The following PCDHGB3 variants were observed in gnomAD, a reference collection of about 807,000 sequenced individuals.
The protein encoded by PCDHGB3 is protocadherin gamma subfamily B, 3.
Under a neutral mutation model 59.2 loss-of-function variants are expected in PCDHGB3, and 40 were observed. The ratio of observed to expected loss-of-function variants is 0.68; its 90% CI spans 0.52 to 0.88. PCDHGB3 has a LOEUF of 0.88. Ranked by LOEUF, PCDHGB3 falls within the 40% of genes least tolerant of loss-of-function variation. The pLI is 0.00. For synonymous variants in PCDHGB3, 581 were observed against 503.6 expected (o/e 1.15, Z -2.06); for missense variants, 1,309 against 1,187.9 (o/e 1.10, Z -1.50).
At position 141,370,949 on chromosome 5, in the gene PCDHGB3, C is replaced by A. The variant is rs1317760178; in HGVS notation, c.555C>A (p.Asn185Lys). The A allele has an allele frequency of 1.2e-6, 2 of 1,613,980 alleles. No individual in the cohort carries two copies. Among genetic ancestry groups the A allele is most frequent in the East Asian group, 2.2e-5 (1 of 44,880 alleles). ...ACTTCTCTTTGATTCAGAAGGAGAA[C>A]CTGGATGGCAGTAGGTACCCAGAGC... ...DPHFSLIQKE[N>K]LDGSRYPELV... The change falls in exon 1 of 4, where the codon AAC (asparagine) becomes AAA (lysine). Residue 185 changes from asparagine (N) to lysine (K), a missense_variant. By Grantham distance (94) the Asn-to-Lys change is moderately conservative. Coordinates refer to ENST00000576222, the MANE Select transcript of PCDHGB3 (RefSeq NM_018924.5).
chr5:141,374,406 T>C (rs748431130), intron 1 of PCDHGB3: 8 of 1,614,018 alleles, frequency 5.0e-6, no homozygotes, highest in Non-Finnish European at 6.8e-6. Context: ...AGTTTTAACA[T>C]CCTTGTCGAG....
Position 141,384,211 on chromosome 5 carries a change from A to G in PCDHGB3, c.2415+11402A>G, listed in dbSNP as rs1779844245. On this transcript the variant is annotated intron_variant, in intron 1 of 3. Transcript: ENST00000576222. The stretch of plus-strand genomic sequence containing the variant: ...TCCTCCCTTGTCCAGGGAAACTCAC[A>G]TATTCATGCAGGTGGCAGACACCAA... The G allele has an allele frequency of 6.2e-7, 1 of 1,613,880 alleles. No individual in the cohort carries two copies. Among genetic ancestry groups the G allele is most frequent in the Non-Finnish European group, 8.5e-7 (1 of 1,179,872 alleles).
intron 2 of PCDHGB3, among the ~76,000 whole-genome samples, chr5:141,504,786 C>A (rs568185327): frequency 6.6e-6 from 1 of 152,014 alleles, no homozygotes; most frequent in South Asian, 2.1e-4. Context: ...TCTCTTGGGG[C>A]CTCCTACATC....
intron 1 of PCDHGB3, among the ~76,000 whole-genome samples, chr5:141,457,975 C>T (rs2098934043): frequency 6.6e-6 from 1 of 152,202 alleles, no homozygotes; most frequent in South Asian, 2.1e-4. Context: ...AAGGGAAACA[C>T]ACCCTTTCAG....
chr5:141,395,157 C>G, intron 1 of PCDHGB3: 2 of 1,614,174 alleles, frequency 1.2e-6, no homozygotes, highest in Non-Finnish European at 1.7e-6. Context: ...GCTCATCAGT[C>G]AGGAGGGCTG....
At chr5:141,433,358 C>CCTGCCTAT (rs1554125966) in intron 1 of PCDHGB3, 1 of 498,106 alleles carries the variant, frequency 2.0e-6, no homozygotes, top group Non-Finnish European at 3.5e-6. Flanking sequence ...CTACTGTCTG[C>CCTGCCTAT]CTATCTATCT....
intron 1 of PCDHGB3, chr5:141,392,586 C>A: frequency 2.1e-6 from 1 of 478,230 alleles, no homozygotes; most frequent in Non-Finnish European, 3.7e-6. Flanking sequence ...GTAAGCGCCG[C>A]TGTTCACCTA....
chr5:141,383,220 CATCCTGATGGAAGATAAAATGA>C (rs1561595268), intron 1 of PCDHGB3: 5 of 1,613,982 alleles, frequency 3.1e-6, no homozygotes, highest in Non-Finnish European at 4.2e-6. Flanking sequence ...TAAACTTTAA[CATCCTGATGGAAGATAAAATGA>C]ATCTTTACCC....
intron 1 of PCDHGB3, chr5:141,413,712 T>A (rs1405825615): frequency 9.9e-6 from 16 of 1,613,454 alleles, no homozygotes; most frequent in Middle Eastern, 3.3e-4. Context: ...TCAGCCCCAA[T>A]AAGCACTTCT....
chr5:141,385,078 G>A, intron 1 of PCDHGB3: 1 of 1,614,222 alleles, frequency 6.2e-7, no homozygotes, highest in Non-Finnish European at 8.5e-7. Context: ...CCTGCTGCAG[G>A]CTTCAGAAGG....
rs775775135 is a variant in PCDHGB3 at position 141,400,234 on chromosome 5, G to GTTGCCTTGCGCCTCC, written c.2415+27426_2415+27427insTGCCTTGCGCCTCCT. The GTTGCCTTGCGCCTCC allele has an allele frequency of 3.1e-6, 5 of 1,613,868 alleles. No homozygotes were observed. In the East Asian group the frequency reaches 1.1e-4, roughly 36 times the overall value. On this transcript the variant is annotated intron_variant, in intron 1 of 3. Transcript: ENST00000576222. ...GATCTCAGTGCTCTTCCTCCTGGCC[G>GTTGCCTTGCGCCTCC]TGATTCTGGCCGTTGCCTTGCGCCT...
chr5:141,415,654 A>ATTGGT, intron 1 of PCDHGB3: 1 of 1,573,242 alleles, frequency 6.4e-7, no homozygotes, highest in Non-Finnish European at 8.6e-7. Flanking sequence ...AAAAAAAAAG[A>ATTGGT]TTGGTTTTTA....
chr5:141,376,474 A>G, intron 1 of PCDHGB3: 5 of 1,614,136 alleles, frequency 3.1e-6, no homozygotes, highest in Non-Finnish European at 3.4e-6. Context: ...CTCAGGATTT[A>G]CTTGAAACGA....
rs775104626 is a variant in PCDHGB3, at chr5:141,486,636, C to T, written c.2416-8171C>T. On this transcript the variant is annotated intron_variant, in intron 1 of 3. Transcript: ENST00000576222. This position sits in a 1 kb window ranked among gnomAD's most constrained non-coding sequence, Gnocchi z 5.0. ...TCTGACCCAGACTCTGGCTTGAATG[C>T]GCTTATCTCCTACTCACTCCTGGAG... 7 of 1,613,540 alleles carry T rather than the reference C, an allele frequency of 4.3e-6. No individual in the cohort carries two copies. The highest frequency in any genetic ancestry group is 1.3e-5 in the African/African-American group (1 of 74,926).
intron 1 of PCDHGB3, chr5:141,395,542 TTG>T (rs55729045): frequency 0.047 from 8,055 of 172,168 alleles, 192 homozygotes; most frequent in African/African-American, 0.072. Flanking sequence ...TTGCTATTGT[TTG>T]TGTGTGTGTG....
intron 1 of PCDHGB3, among the ~76,000 whole-genome samples, chr5:141,397,195 GAT>G (rs2093485710): frequency 1.3e-5 from 2 of 152,150 alleles, no homozygotes; most frequent in Admixed American, 1.3e-4. Context: ...TACTGTAAAA[GAT>G]ATGACATAAG....
At chr5:141,502,499 C>A (rs552402476) in intron 2 of PCDHGB3, among the ~76,000 whole-genome samples, 12 of 152,122 alleles carry the variant, frequency 7.9e-5, no homozygotes, top group Non-Finnish European at 2.9e-5. Flanking sequence ...CATCTAACGT[C>A]GGCCTGTCCC....
At position 141,486,209 on chromosome 5, in the gene PCDHGB3, A is replaced by G. The variant is rs749965379; in HGVS notation, c.2416-8598A>G. 1.2e-6 allele frequency: 2 copies of G among 1,614,080 alleles called. No homozygotes were observed. The highest frequency in any genetic ancestry group is 1.7e-6 in the Non-Finnish European group (2 of 1,179,988). ...AGTGGATCTGCTGGACGTAAATGAC[A>G]ATGCCCCTTACATCACAGTGACCTC... On this transcript the variant is annotated intron_variant, in intron 1 of 3. Transcript: ENST00000576222. The surrounding 1 kb of genome is among the most constrained non-coding windows in gnomAD (Gnocchi z 5.0).
At chr5:141,407,812 T>C (rs1191426791) in intron 1 of PCDHGB3, among the ~76,000 whole-genome samples, 1 of 152,226 alleles carries the variant, frequency 6.6e-6, no homozygotes, top group Non-Finnish European at 1.5e-5. Context: ...AAATATCTAC[T>C]ATAATATTAT....
Sources: allele counts gnomAD v4.1 joint callset (sites outside exome capture counted in the v4.1 genomes callset), GRCh38; gene constraint gnomAD v4.1.1; non-coding constraint Gnocchi (gnomAD v3.1); transcripts MANE v1.5; gene names NCBI Gene and HGNC (gene_info 2026-07-23, HGNC 2026-07-21).